The following CUX2 variants were observed in gnomAD, a reference collection of about 807,000 sequenced individuals.
CUX2 encodes homeobox protein cut-like 2.
CUX2 carries 40 observed loss-of-function variants against 144.8 expected under a neutral mutation model. That is an observed-to-expected ratio of 0.28 (90% CI 0.21 to 0.36). The LOEUF (loss-of-function observed/expected upper bound fraction) is 0.36. Among genes scored for constraint, CUX2 ranks in the 10% least tolerant of loss-of-function variants. CUX2 has a pLI of 1.00. For synonymous variants in CUX2, 827 were observed against 875.6 expected (o/e 0.94, Z 0.98); for missense variants, 1,615 against 1,994.0 (o/e 0.81, Z 3.62).
intron 1 of CUX2, among the ~76,000 whole-genome samples, chr12:111,150,692 G>C (rs1876986666): frequency 6.9e-6 from 1 of 144,448 alleles, no homozygotes; most frequent in Admixed American, 7.4e-5. Context: ...TATTTCTGTG[G>C]CTTCCTCTTT....
At chr12:111,321,891 A>AG (rs950858347) in intron 17 of CUX2, among the ~76,000 whole-genome samples, 13 of 151,770 alleles carry the variant, frequency 8.6e-5, no homozygotes, top group African/African-American at 2.9e-4. Context: ...TTCCTGGAGG[A>AG]GGGGGGCACT....
intron 3 of CUX2, among the ~76,000 whole-genome samples, chr12:111,259,511 C>G (rs540181921): frequency 2.6e-5 from 4 of 152,204 alleles, no homozygotes; most frequent in African/African-American, 9.6e-5. Flanking sequence ...CAGTGTCCAG[C>G]AGGAAAAGAA....
intron 20 of CUX2, among the ~76,000 whole-genome samples, chr12:111,340,442 C>G (rs1464037125): frequency 6.6e-6 from 1 of 152,136 alleles, no homozygotes; most frequent in African/African-American, 2.4e-5. Flanking sequence ...GATGTGGCGG[C>G]TCATACCTGT....
intron 1 of CUX2, among the ~76,000 whole-genome samples, chr12:111,083,097 C>G (rs1451946958): frequency 6.6e-6 from 1 of 152,112 alleles, no homozygotes; most frequent in Non-Finnish European, 1.5e-5. Flanking sequence ...CAGTTGCCTC[C>G]CCTGCTAAGT....
rs1268118820 is a variant in CUX2, at chr12:111,068,055, T to A, written c.63+33815T>A. Among the ~76,000 whole-genome samples the A allele has an allele frequency of 1.3e-5, 2 of 152,134 alleles. No individual in the cohort carries two copies. Among genetic ancestry groups the A allele is most frequent in the Non-Finnish European group, 2.9e-5 (2 of 68,028 alleles). Reference sequence around the variant, plus strand: ...GATCATACCCTAGTCCAGCAGGGAATGGCTTTTGCCCACTTTTAAAAAGTG... The same window carrying A: ...GATCATACCCTAGTCCAGCAGGGAAAGGCTTTTGCCCACTTTTAAAAAGTG... On this transcript the variant is annotated intron_variant, in intron 1 of 21. Coordinates refer to ENST00000261726, the MANE Select transcript of CUX2 (RefSeq NM_015267.4). The surrounding 1 kb of genome is among the most constrained non-coding windows in gnomAD (Gnocchi z 4.9).
At chr12:111,060,331 T>C (rs1870712789) in intron 1 of CUX2, among the ~76,000 whole-genome samples, 1 of 152,232 alleles carries the variant, frequency 6.6e-6, no homozygotes, top group Non-Finnish European at 1.5e-5. Context: ...ACTTGGCATA[T>C]CCTGGTCTCC....
At position 111,310,309 on chromosome 12, in the gene CUX2, A is replaced by C. The variant is rs1006953550; in HGVS notation, c.1527A>C (p.Pro509=). The change falls in exon 15 of 22, where the codon CCA becomes CCC. Residue 509 remains proline (P), a synonymous_variant. Transcript: ENST00000261726. This position sits in a 1 kb window ranked among gnomAD's most constrained non-coding sequence, Gnocchi z 7.9. ...GEAGGLLVFP[P]AFYGAKPPTA... The stretch of plus-strand genomic sequence containing the variant: ...CGGGCGGCCTGCTGGTGTTCCCCCC[A>C]GCCTTCTATGGCGCCAAGCCCCCCA... 1 of 1,501,520 alleles carries C rather than the reference A, an allele frequency of 6.7e-7. No homozygotes were observed. Among genetic ancestry groups the C allele is most frequent in the East Asian group, 2.4e-5 (1 of 41,788 alleles). The allele number at this position is 1,501,520 out of a possible 1,614,324, so 93.0% of individuals were successfully genotyped here.
At position 111,141,167 on chromosome 12, in the gene CUX2, T is replaced by G. The variant is rs753292396; in HGVS notation, c.64-73033T>G. ...TCAGTGATTTCTCAGGCCCTTTGAA[T>G]TAAGACTATAGTTTAAATCCTCATC... On this transcript the variant is annotated intron_variant, in intron 1 of 21. Coordinates refer to ENST00000261726, the MANE Select transcript of CUX2 (RefSeq NM_015267.4). 5.9e-5 allele frequency among the ~76,000 whole-genome samples: 9 copies of G among 152,144 alleles called. No homozygotes were observed. The South Asian group carries it at 1.9e-3, about 32-fold the overall frequency.
chr12:111,154,643 T>C lies in CUX2; in HGVS notation c.64-59557T>C, dbSNP rs376173936. 9.2e-5 allele frequency among the ~76,000 whole-genome samples: 14 copies of C among 152,244 alleles called. No homozygotes were observed. The South Asian group carries it at 2.7e-3, about 29-fold the overall frequency. ...CAAGACGGGGAGATGCAGTTGATGT[T>C]TGATAATAAAATGGGACCTCGTGCC... On this transcript the variant is annotated intron_variant, in intron 1 of 21. Coordinates refer to ENST00000261726, the MANE Select transcript of CUX2 (RefSeq NM_015267.4).
At position 111,320,558 on chromosome 12, in the gene CUX2, GCGAGCTCAAGGCTGAGGGCGCGACGGC is replaced by G. The variant is rs773855535; in HGVS notation, c.2554_2580del (p.Leu852_Glu860del). 1.2e-5 allele frequency: 18 copies of G among 1,535,368 alleles called. No homozygotes were observed. In the South Asian group the frequency reaches 2.0e-4, roughly 17 times the overall value. The stretch of plus-strand genomic sequence containing the variant: ...GCGGAGGACGAACCCCCCAGGACGG[GCGAGCTCAAGGCTGAGGGCGCGACGGC>G]CGAGGCGGGCGCGCGGCTGCCCTAC... On this transcript the variant is annotated inframe_deletion, in exon 17 of 22. Transcript: ENST00000261726. This position sits in a 1 kb window ranked among gnomAD's most constrained non-coding sequence, Gnocchi z 8.1.
At chr12:111,113,987 C>T (rs2136085725) in intron 1 of CUX2, among the ~76,000 whole-genome samples, 1 of 152,256 alleles carries the variant, frequency 6.6e-6, no homozygotes, top group Non-Finnish European at 1.5e-5. Context: ...ATTCATTGAC[C>T]TGGTGAAAGA....
intron 1 of CUX2, among the ~76,000 whole-genome samples, chr12:111,139,095 C>T (rs1233475560): frequency 6.6e-6 from 1 of 151,880 alleles, no homozygotes; most frequent in African/African-American, 2.4e-5. Context: ...CGCCATGTGA[C>T]CTCCAGCAGG....
rs191521278 is a variant in CUX2 at position 111,043,583 on chromosome 12, C to T, written c.63+9343C>T. Among the ~76,000 whole-genome samples, 1,132 of 151,670 alleles carry T rather than the reference C, an allele frequency of 7.5e-3. 12 individuals are homozygous for T. Among genetic ancestry groups the T allele is most frequent in the South Asian group, 0.034 (162 of 4,786 alleles). On this transcript the variant is annotated intron_variant, in intron 1 of 21. Transcript: ENST00000261726. ...ATCCCAGCACTTTGGGAGGATGAGG[C>T]GGGCAGATAATTTGAGGTCAGGCAT... is the stretch of plus-strand genomic sequence containing the variant.
intron 4 of CUX2, among the ~76,000 whole-genome samples, chr12:111,282,321 CA>C (rs35466467): frequency 0.45 from 53,335 of 119,744 alleles, 10,519 homozygotes; most frequent in Middle Eastern, 0.51. Context: ...AACCCCATCT[CA>C]AAAAAAAAAA....
rs539382278 is a variant in CUX2 at position 111,077,306 on chromosome 12, G to A, written c.63+43066G>A. 9.2e-5 allele frequency among the ~76,000 whole-genome samples: 14 copies of A among 152,110 alleles called. No individual in the cohort carries two copies. Among genetic ancestry groups the A allele is most frequent in the Non-Finnish European group, 1.5e-4 (10 of 68,020 alleles). On this transcript the variant is annotated intron_variant, in intron 1 of 21. Coordinates refer to ENST00000261726, the MANE Select transcript of CUX2 (RefSeq NM_015267.4). The surrounding 1 kb of genome is among the most constrained non-coding windows in gnomAD (Gnocchi z 4.1). The stretch of plus-strand genomic sequence containing the variant: ...AACGCGCAGCCGTGTGGCAGGGCCC[G>A]GGAAGACGTGGGTAATGTATTCACA...
chr12:111,339,826 C>T (rs1479381103), intron 20 of CUX2, among the ~76,000 whole-genome samples: 1 of 152,194 alleles, frequency 6.6e-6, no homozygotes, highest in African/African-American at 2.4e-5. Context: ...AGAACTTGAC[C>T]TTCTACCTCC....
chr12:111,329,769 G>C (rs1268393522), intron 18 of CUX2, among the ~76,000 whole-genome samples: 2 of 152,168 alleles, frequency 1.3e-5, no homozygotes, highest in African/African-American at 4.8e-5. Context: ...CAGAGTAGCT[G>C]GGGCTACAGG....
At chr12:111,114,281 T>G (rs967910668) in intron 1 of CUX2, among the ~76,000 whole-genome samples, 6 of 152,190 alleles carry the variant, frequency 3.9e-5, no homozygotes, top group Non-Finnish European at 7.4e-5. Context: ...TTCAATTTTA[T>G]GCATTCTAAT....
At chr12:111,240,666 C>T (rs1430259835) in intron 3 of CUX2, among the ~76,000 whole-genome samples, 1 of 152,198 alleles carries the variant, frequency 6.6e-6, no homozygotes, top group Non-Finnish European at 1.5e-5. Context: ...CCTCATGTCA[C>T]TTACCACAGA....
Sources: allele counts gnomAD v4.1 joint callset (sites outside exome capture counted in the v4.1 genomes callset), GRCh38; gene constraint gnomAD v4.1.1; non-coding constraint Gnocchi (gnomAD v3.1); transcripts MANE v1.5; gene names NCBI Gene and HGNC (gene_info 2026-07-23, HGNC 2026-07-21).